Variants in DCC observed in about 807,000 individuals in gnomAD.
The protein encoded by DCC is netrin receptor DCC.
DCC carries 58 observed loss-of-function variants against 172.5 expected under a neutral mutation model. That is an observed-to-expected ratio of 0.34 (90% CI 0.27 to 0.42). The LOEUF is 0.42. DCC is among the 10% of genes least tolerant of loss of function. The pLI is 1.00. For synonymous variants in DCC, 709 were observed against 644.5 expected (o/e 1.10, Z -1.52); for missense variants, 1,740 against 1,791.0 (o/e 0.97, Z 0.51).
intron 1 of DCC, among the ~76,000 whole-genome samples, chr18:52,613,898 A>C (rs1187710734): frequency 6.6e-6 from 1 of 152,194 alleles, no homozygotes; most frequent in Non-Finnish European, 1.5e-5. Context: ...TGCTGCTTTC[A>C]GGGCACATGG....
chr18:53,412,775 C>T (rs1488484613), intron 20 of DCC, among the ~76,000 whole-genome samples: 1 of 152,092 alleles, frequency 6.6e-6, no homozygotes, highest in Non-Finnish European at 1.5e-5. Flanking sequence ...AGCATTTGGT[C>T]TTTTTGATAT....
intron 1 of DCC, among the ~76,000 whole-genome samples, chr18:52,750,043 G>A (rs1250665960): frequency 3.9e-5 from 6 of 152,166 alleles, no homozygotes; most frequent in African/African-American, 1.4e-4. Context: ...GGTAGAGGAA[G>A]AGATCACGTA....
intron 1 of DCC, among the ~76,000 whole-genome samples, chr18:52,576,747 G>A (rs901843496): frequency 3.3e-5 from 5 of 151,142 alleles, no homozygotes; most frequent in Admixed American, 1.3e-4. Context: ...GGAGAATGGC[G>A]TGAACCCGGG....
chr18:53,074,570 A>AT (rs2042700663), intron 7 of DCC, among the ~76,000 whole-genome samples: 1 of 152,168 alleles, frequency 6.6e-6, no homozygotes. Context: ...AAATTGTAAA[A>AT]TTATTTTTGC....
At chr18:52,629,949 CA>C (rs540334133) in intron 1 of DCC, among the ~76,000 whole-genome samples, 5,223 of 40,722 alleles carry the variant, frequency 0.13, 84 homozygotes, top group South Asian at 0.2. Flanking sequence ...GACTCCGTCT[CA>C]AAAAAAAAAA....
chr18:53,217,332 C>T (rs913870708), intron 12 of DCC, among the ~76,000 whole-genome samples: 1 of 132,200 alleles, frequency 7.6e-6, no homozygotes, highest in Non-Finnish European at 1.7e-5. Context: ...CACACACACA[C>T]ACAAATATCA....
Position 53,205,166 on chromosome 18 carries a change from C to T in DCC, c.1574-50C>T, listed in dbSNP as rs748591505. The T allele has an allele frequency of 3.4e-6, 5 of 1,477,168 alleles. No individual in the cohort carries two copies. In the Admixed American group the frequency reaches 8.4e-5, roughly 25 times the overall value. The allele number at this position is 1,477,168 out of a possible 1,614,324, so 91.5% of individuals were successfully genotyped here. ...TTTTGTTTGTTTTGAGAACAAAAAC[C>T]CACTTATCCTAATCACTTTTCTTTC... On this transcript the variant is annotated intron_variant, in intron 9 of 28. Coordinates refer to ENST00000442544, the MANE Select transcript of DCC (RefSeq NM_005215.4).
chr18:53,174,817 C>T lies in DCC; in HGVS notation c.1419-4145C>T, dbSNP rs553623581. Among the ~76,000 whole-genome samples the T allele has an allele frequency of 5.5e-3, 833 of 152,026 alleles. 4 individuals are homozygous for T. Among genetic ancestry groups the T allele is most frequent in the Admixed American group, 0.022 (336 of 15,222 alleles). ...TAGAAAAAGAGGGAATCCTCCCTAA[C>T]TCTTTTTACGAGGCCAGCATCATTC... On this transcript the variant is annotated intron_variant, in intron 8 of 28. Coordinates refer to ENST00000442544, the MANE Select transcript of DCC (RefSeq NM_005215.4).
At chr18:52,860,344 G>T (rs2039121275) in intron 2 of DCC, among the ~76,000 whole-genome samples, 1 of 152,200 alleles carries the variant, frequency 6.6e-6, no homozygotes, top group Admixed American at 6.5e-5. Flanking sequence ...GCTTCAGTGT[G>T]CAGAGCTTCA....
intron 26 of DCC, among the ~76,000 whole-genome samples, chr18:53,493,573 C>A (rs2144403037): frequency 6.6e-6 from 1 of 152,258 alleles, no homozygotes; most frequent in South Asian, 2.1e-4. Flanking sequence ...TTATAGTATT[C>A]TCTGATGGTA....
chr18:53,182,148 A>G (rs1285764553), intron 9 of DCC, among the ~76,000 whole-genome samples: 5 of 152,234 alleles, frequency 3.3e-5, no homozygotes, highest in African/African-American at 2.4e-5. Flanking sequence ...ACTGAATAAA[A>G]CATGCTGATT....
chr18:53,171,591 T>C (rs2055014430), intron 8 of DCC, among the ~76,000 whole-genome samples: 1 of 152,200 alleles, frequency 6.6e-6, no homozygotes. Context: ...ATCTTCCCCA[T>C]TATGAAATCC....
intron 5 of DCC, among the ~76,000 whole-genome samples, chr18:53,006,480 A>G (rs768543418): frequency 2.6e-5 from 4 of 152,342 alleles, no homozygotes; most frequent in Middle Eastern, 3.4e-3. Flanking sequence ...GAGAAACTAG[A>G]GATGTATTTT....
At chr18:52,455,803 G>A (rs1363291357) in intron 1 of DCC, among the ~76,000 whole-genome samples, 3 of 152,194 alleles carry the variant, frequency 2.0e-5, no homozygotes, top group African/African-American at 7.2e-5. Flanking sequence ...ACTAAAAACA[G>A]TGCTTGGTGC....
chr18:53,210,050 T>G (rs1160302239), intron 11 of DCC, among the ~76,000 whole-genome samples: 2 of 152,240 alleles, frequency 1.3e-5, no homozygotes, highest in Non-Finnish European at 2.9e-5. Context: ...TGAAAGGAGA[T>G]AGCAAGGACT....
intron 5 of DCC, among the ~76,000 whole-genome samples, chr18:52,944,478 A>G (rs1340583512): frequency 5.3e-5 from 8 of 152,210 alleles, no homozygotes; most frequent in Admixed American, 4.6e-4. Context: ...AAGAAGCCAG[A>G]GAAGTCCCAG....
intron 1 of DCC, among the ~76,000 whole-genome samples, chr18:52,525,911 G>A (rs1272008279): frequency 6.6e-6 from 1 of 152,128 alleles, no homozygotes. Flanking sequence ...TTTCTTATCT[G>A]CCAAATGAAA....
intron 1 of DCC, among the ~76,000 whole-genome samples, chr18:52,663,603 C>A (rs190297935): frequency 8.7e-4 from 133 of 152,198 alleles, no homozygotes; most frequent in African/African-American, 3.1e-3. Context: ...ATATGTCATC[C>A]TTCTATGCTG....
At chr18:53,187,130 T>A (rs549240978) in intron 9 of DCC, among the ~76,000 whole-genome samples, 1 of 67,690 alleles carries the variant, frequency 1.5e-5, no homozygotes, top group Non-Finnish European at 3.9e-5. Context: ...TTTTTTTTTC[T>A]TTTTTTTTTT....
Sources: allele counts gnomAD v4.1 joint callset (sites outside exome capture counted in the v4.1 genomes callset), GRCh38; gene constraint gnomAD v4.1.1; transcripts MANE v1.5; gene names NCBI Gene and HGNC (gene_info 2026-07-23, HGNC 2026-07-21).